NMUR2: variants seen among roughly 807,000 people sequenced by gnomAD.
The protein encoded by NMUR2 is neuromedin-U receptor 2.
A neutral mutation model predicts 25.1 loss-of-function variants in NMUR2; 24 were observed. The ratio of observed to expected loss-of-function variants is 0.96; its 90% CI spans 0.69 to 1.34. The LOEUF is 1.34. Among genes scored for constraint, NMUR2 ranks in the 40% most tolerant of loss-of-function variants. NMUR2 has a pLI of 0.00. For missense variants in NMUR2, 533 were observed against 512.8 expected, an observed-to-expected ratio of 1.04 and a Z score of -0.38; for synonymous variants, 218 against 208.1, an observed-to-expected ratio of 1.05 and a Z score of -0.41.
In NMUR2 at chr5:152,404,678, C is replaced by T. The variant is rs530506474; in HGVS notation, c.436G>A (p.Val146Met). 1.2e-6 allele frequency: 2 copies of T among 1,614,070 alleles called. No individual in the cohort carries two copies. The highest frequency in any genetic ancestry group is 1.7e-4 in the Middle Eastern group (1 of 6,052). Residue 146 changes from valine to methionine, a missense_variant, in exon 1 of 4, where the codon GTG (valine) becomes ATG (methionine). Physicochemically the swap from Val to Met is conservative, Grantham distance 21. Coordinates refer to ENST00000255262, the MANE Select transcript of NMUR2 (RefSeq NM_020167.5). Reference sequence around the variant, plus strand: ...GCGCGGAACGGGTGTAGGATGGCCACGTAGCGCTCCACGCTGACGGTGGTG... The same window carrying T: ...GCGCGGAACGGGTGTAGGATGGCCATGTAGCGCTCCACGCTGACGGTGGTG... The part of the protein sequence containing the change: ...SITTVSVERY[V>M]AILHPFRAKL...
chr5:152,398,949 A>G (rs1195128369), intron 1 of NMUR2, among the ~76,000 whole-genome samples: 1 of 152,182 alleles, frequency 6.6e-6, no homozygotes, highest in African/African-American at 2.4e-5. Flanking sequence ...ACTTTCAGCT[A>G]TCAACACTAC....
chr5:152,395,577 C>G lies in NMUR2; in HGVS notation c.819G>C (p.Leu273Phe), dbSNP rs1753134271. Residue 273 changes from leucine (L) to phenylalanine (F), a missense_variant, in exon 3 of 4, where the codon TTG becomes TTC. Transcript: ENST00000255262. ...CCCAACAGATAGCAAACACTAAGAC[C>G]AAGACAACTGAAAATGGATGATAAA... Reference protein sequence around the residue: ...RKSVNKMLFVLVLVFAICWAP... With the variant: ...RKSVNKMLFVFVLVFAICWAP... The G allele has an allele frequency of 1.9e-6, 3 of 1,613,046 alleles. No individual in the cohort carries two copies. The Admixed American group carries it at 5.0e-5, about 27-fold the overall frequency.
At chr5:152,400,811 T>G (rs1190101811) in intron 1 of NMUR2, among the ~76,000 whole-genome samples, 2 of 152,216 alleles carry the variant, frequency 1.3e-5, no homozygotes, top group Non-Finnish European at 2.9e-5. Flanking sequence ...TGTTTAACAG[T>G]TCTCAATGGT....
rs1292226325 is a variant in NMUR2, at chr5:152,395,550, G to T, written c.846C>A (p.Ala282=). 5 of 1,613,440 alleles carry T rather than the reference G, an allele frequency of 3.1e-6. No homozygotes were observed. Among genetic ancestry groups the T allele is most frequent in the Non-Finnish European group, 4.2e-6 (5 of 1,179,794 alleles). Residue 282 remains alanine (A), a synonymous_variant, in exon 3 of 4, where the codon GCC becomes GCA. Coordinates refer to ENST00000255262, the MANE Select transcript of NMUR2 (RefSeq NM_020167.5). Reference sequence around the variant, plus strand: ...AGAAGAGTCGGTCAATGTGGAACGGGGCCCAACAGATAGCAAACACTAAGA... The same window carrying T: ...AGAAGAGTCGGTCAATGTGGAACGGTGCCCAACAGATAGCAAACACTAAGA... ...VLVLVFAICW[A]PFHIDRLFFS... is the part of the protein sequence containing the mutation.
At position 152,392,269 on chromosome 5, in the gene NMUR2, G is replaced by T. The variant is rs1162639267; in HGVS notation, c.1170C>A (p.Asn390Lys). Residue 390 changes from asparagine (N) to lysine (K), a missense_variant, in exon 4 of 4, where the codon AAC becomes AAA. Asn to Lys is a moderately conservative substitution (Grantham distance 94). Transcript: ENST00000255262. ...TAGAGAGGGCTGCTGGGAGGTGAGA[G>T]TTGTGCATGGATGACTGACATGGGA... ...PQFPCQSSMH[N>K]SHLPAALSSE... 1 of 1,613,928 alleles carries T rather than the reference G, an allele frequency of 6.2e-7. No homozygotes were observed. Among genetic ancestry groups the T allele is most frequent in the Non-Finnish European group, 8.5e-7 (1 of 1,179,882 alleles).
In NMUR2 at chr5:152,397,012, G is replaced by GTTTTTTTTTTTTTTTTT. The variant is rs769998163; in HGVS notation, c.811+1031_811+1047dup. ...TGACTTTAATATGAGTGAGCTTCATGTTTTTTTTTTTTTTTTTTTGTGAGA... is the reference window on the plus strand; with the variant it reads ...TGACTTTAATATGAGTGAGCTTCATGTTTTTTTTTTTTTTTTTTTTTTTTTTTTTTTTTTTTGTGAGA... On this transcript the variant is annotated intron_variant, in intron 2 of 3. Coordinates refer to ENST00000255262, the MANE Select transcript of NMUR2 (RefSeq NM_020167.5). Among the ~76,000 whole-genome samples, 61 of 105,724 alleles carry GTTTTTTTTTTTTTTTTT rather than the reference G, an allele frequency of 5.8e-4. 2 individuals carry two copies. Among genetic ancestry groups the GTTTTTTTTTTTTTTTTT allele is most frequent in the Non-Finnish European group, 9.6e-4 (47 of 48,796 alleles). 69.4% of individuals were successfully genotyped at this position (105,724 alleles called of 152,430 possible). A position where few individuals can be genotyped will look rare whatever the true frequency, so the allele number is the denominator to read the frequency against.
intron 1 of NMUR2, among the ~76,000 whole-genome samples, chr5:152,403,251 T>G (rs887132147): frequency 6.6e-6 from 1 of 152,178 alleles, no homozygotes; most frequent in Admixed American, 6.5e-5. Context: ...TCCAGGAGAA[T>G]GATGTGGCTT....
intron 1 of NMUR2, among the ~76,000 whole-genome samples, chr5:152,398,542 G>T (rs573244239): frequency 6.6e-6 from 1 of 152,282 alleles, no homozygotes; most frequent in African/African-American, 2.4e-5. Flanking sequence ...CTCTGTGGTG[G>T]ATAATTAGTA....
rs767050775 is a variant in NMUR2 at position 152,392,355 on chromosome 5, G to A, written c.1084C>T (p.Arg362Trp). 21 of 1,613,906 alleles carry A rather than the reference G, an allele frequency of 1.3e-5. No homozygotes were observed. In the Middle Eastern group the frequency reaches 4.9e-4, roughly 38 times the overall value. ...QHDPQLPPAQRNIFLTECHFV... is the reference protein window; with the variant it reads ...QHDPQLPPAQWNIFLTECHFV... ...TGGCATTCTGTCAGGAAGATGTTCCGCTGGGCAGGTGGCAACTGTGGGTCA... is the reference window on the plus strand; with the variant it reads ...TGGCATTCTGTCAGGAAGATGTTCCACTGGGCAGGTGGCAACTGTGGGTCA... Residue 362 changes from arginine (R) to tryptophan (W), a missense_variant, in exon 4 of 4, where the codon CGG (arginine) becomes TGG (tryptophan). Arg to Trp is a moderately radical substitution (Grantham distance 101, BLOSUM62 -3). Coordinates refer to ENST00000255262, the MANE Select transcript of NMUR2 (RefSeq NM_020167.5).
Position 152,405,074 on chromosome 5 carries a change from A to G in NMUR2, c.40T>C (p.Tyr14His), listed in dbSNP as rs1270919658. The change falls in exon 1 of 4, where the codon TAC (tyrosine) becomes CAC (histidine). Residue 14 changes from tyrosine (Y) to histidine (H), a missense_variant. By Grantham distance (83) the Tyr-to-His change is moderately conservative. Coordinates refer to ENST00000255262, the MANE Select transcript of NMUR2 (RefSeq NM_020167.5). Reference protein sequence around the residue: ...MEKLQNASWIYQQKLEDPFQK... With the variant: ...MEKLQNASWIHQQKLEDPFQK... The stretch of plus-strand genomic sequence containing the variant: ...AATGGATCTTCTAGTTTCTGCTGGT[A>G]GATCCAGGAAGCATTCTGAAGTTTT... The G allele has an allele frequency of 6.2e-7, 1 of 1,613,130 alleles. No homozygotes were observed. The highest frequency in any genetic ancestry group is 8.5e-7 in the Non-Finnish European group (1 of 1,179,404).
intron 1 of NMUR2, among the ~76,000 whole-genome samples, chr5:152,398,607 C>T (rs1753203175): frequency 6.6e-6 from 1 of 152,084 alleles, no homozygotes; most frequent in African/African-American, 2.4e-5. Flanking sequence ...TGGATCTTCT[C>T]AGAGACTTAA....
In NMUR2 at chr5:152,391,625, A is replaced by C. The variant is rs982715; in HGVS notation, c.*566T>G. The stretch of plus-strand genomic sequence containing the variant: ...AAGTGAGCACATGCCTTTGGGAAGA[A>C]AGATGCCAGCAGATTTGCTCAACAG... On this transcript the variant is annotated 3_prime_UTR_variant, in exon 4 of 4. Transcript: ENST00000255262. 0.14 allele frequency: 22,152 copies of C among 153,034 alleles called. 2,092 individuals are homozygous for C. Among genetic ancestry groups the C allele is most frequent in the Admixed American group, 0.24 (3,649 of 15,406 alleles). The allele number at this position is 153,034 out of a possible 1,614,324, so 9.5% of individuals were successfully genotyped here.
chr5:152,404,774 A>G lies in NMUR2; in HGVS notation c.340T>C (p.Phe114Leu). 6.2e-7 allele frequency: 1 copy of G among 1,614,156 alleles called. No homozygotes were observed. Among genetic ancestry groups the G allele is most frequent in the Non-Finnish European group, 8.5e-7 (1 of 1,180,030 alleles). Residue 114 changes from phenylalanine to leucine, a missense_variant, in exon 1 of 4, where the codon TTC becomes CTC. Coordinates refer to ENST00000255262, the MANE Select transcript of NMUR2 (RefSeq NM_020167.5). ...YEMWRNYPFLFGPVGCYFKTA... is the reference protein window; with the variant it reads ...YEMWRNYPFLLGPVGCYFKTA... ...TTGAAGTAGCAGCCCACGGGCCCGAACAAGAAAGGGTAGTTGCGCCACATC... is the reference window on the plus strand; with the variant it reads ...TTGAAGTAGCAGCCCACGGGCCCGAGCAAGAAAGGGTAGTTGCGCCACATC...
At chr5:152,395,671 T>A in intron 2 of NMUR2, 87 bp from the exon 3 acceptor site, 4 of 1,478,706 alleles carry the variant, frequency 2.7e-6, no homozygotes, top group Non-Finnish European at 3.7e-6. Context: ...TCATTTCTTC[T>A]GGCAGTTTTT....
rs1236829670 is a variant in NMUR2 at position 152,395,526 on chromosome 5, G to A, written c.870C>T (p.Phe290=). The A allele has an allele frequency of 6.2e-7, 1 of 1,613,588 alleles. No individual in the cohort carries two copies. Among genetic ancestry groups the A allele is most frequent in the African/African-American group, 1.3e-5 (1 of 74,860 alleles). The change falls in exon 3 of 4, where the codon TTC becomes TTT. Residue 290 remains phenylalanine, a synonymous_variant. Transcript: ENST00000255262. Reference sequence around the variant, plus strand: ...CACTCCACTCCTCCACAAAGCTGAAGAAGAGTCGGTCAATGTGGAACGGGG... The same window carrying A: ...CACTCCACTCCTCCACAAAGCTGAAAAAGAGTCGGTCAATGTGGAACGGGG... ...CWAPFHIDRL[F]FSFVEEWSES...
intron 3 of NMUR2, 70 bp from the exon 4 acceptor site, chr5:152,392,571 A>C: frequency 8.1e-7 from 1 of 1,230,222 alleles, no homozygotes; most frequent in Non-Finnish European, 1.2e-6. Flanking sequence ...GAAGAAGCAT[A>C]AATATTTACA....
intron 1 of NMUR2, among the ~76,000 whole-genome samples, chr5:152,404,187 G>A (rs1286102755): frequency 3.9e-5 from 6 of 152,188 alleles, no homozygotes; most frequent in African/African-American, 1.4e-4. Flanking sequence ...CGAGCTAAAG[G>A]AAATGATAAA....
intron 1 of NMUR2, among the ~76,000 whole-genome samples, chr5:152,401,580 A>C (rs1364673723): frequency 6.6e-6 from 1 of 152,232 alleles, no homozygotes; most frequent in African/African-American, 2.4e-5. Flanking sequence ...GCATGGTTGA[A>C]TTCTGCTGCA....
Position 152,404,692 on chromosome 5 carries a change from CT to C in NMUR2, c.421del (p.Ser141AlafsTer89). The C allele has an allele frequency of 6.2e-7, 1 of 1,614,124 alleles. No homozygotes were observed. Among genetic ancestry groups the C allele is most frequent in the African/African-American group, 1.3e-5 (1 of 75,054 alleles). On this transcript the variant is annotated frameshift_variant, in exon 1 of 4. Transcript: ENST00000255262. LOFTEE classifies it high-confidence loss of function. The stretch of plus-strand genomic sequence containing the variant: ...TAGGATGGCCACGTAGCGCTCCACG[CT>C]GACGGTGGTGATGCTGAGGATGGAG... Reference protein sequence around the residue: ...FASILSITTVSVERYVAILHP... With the variant: ...FASILSITTVXVERYVAILHP...
Sources: allele counts gnomAD v4.1 joint callset (sites outside exome capture counted in the v4.1 genomes callset), GRCh38; gene constraint gnomAD v4.1.1; transcripts MANE v1.5; gene names NCBI Gene and HGNC (gene_info 2026-07-23, HGNC 2026-07-21).